SELENOF: variants seen among roughly 807,000 people sequenced by gnomAD.
The protein encoded by SELENOF is selenoprotein F.
In SELENOF, 16 loss-of-function variants were observed where a neutral mutation model predicts 20.5. The observed-to-expected ratio is 0.78, with a 90% CI of 0.53 to 1.19. The LOEUF (loss-of-function observed/expected upper bound fraction) is 1.19. Among genes scored for constraint, SELENOF ranks in the 50% most tolerant of loss-of-function variants. The pLI is 0.00. For missense variants in SELENOF, 215 were observed against 194.2 expected (o/e 1.11, Z -0.64); for synonymous variants, 78 against 74.5 (o/e 1.05, Z -0.24).
At chr1:86,889,509 A>G (rs1192657478) in intron 2 of SELENOF, among the ~76,000 whole-genome samples, 5 of 152,092 alleles carry the variant, frequency 3.3e-5, no homozygotes, top group Non-Finnish European at 2.9e-5. Context: ...CAGGAGAATC[A>G]CTTGAACCTA....
intron 3 of SELENOF, among the ~76,000 whole-genome samples, chr1:86,878,080 A>G (rs1658970858): frequency 6.6e-6 from 1 of 152,204 alleles, no homozygotes. Flanking sequence ...AGAAATTATT[A>G]TAGACAGCCT....
At chr1:86,888,845 C>T (rs939582884) in intron 2 of SELENOF, among the ~76,000 whole-genome samples, 2 of 151,900 alleles carry the variant, frequency 1.3e-5, no homozygotes, top group Non-Finnish European at 2.9e-5. Context: ...TGTATTTTTG[C>T]CATGTTGGCC....
intron 2 of SELENOF, among the ~76,000 whole-genome samples, chr1:86,899,807 CG>C (rs1348038896): frequency 6.8e-6 from 1 of 146,648 alleles, no homozygotes; most frequent in Non-Finnish European, 1.5e-5. Context: ...GGCTGCCGGG[CG>C]GAGGGGCTCC....
At chr1:86,868,852 C>A (rs983584368) in intron 3 of SELENOF, among the ~76,000 whole-genome samples, 3 of 151,960 alleles carry the variant, frequency 2.0e-5, no homozygotes, top group Admixed American at 2.0e-4. Context: ...CAGCAAAACA[C>A]CACCATAAGC....
intron 2 of SELENOF, among the ~76,000 whole-genome samples, chr1:86,889,784 C>T (rs1249674855): frequency 6.6e-6 from 1 of 152,102 alleles, no homozygotes; most frequent in Non-Finnish European, 1.5e-5. Context: ...GGAAGCATCC[C>T]CACTTACCCC....
chr1:86,907,792 T>C (rs1659867714), intron 1 of SELENOF, among the ~76,000 whole-genome samples: 1 of 152,066 alleles, frequency 6.6e-6, no homozygotes, highest in African/African-American at 2.4e-5. Flanking sequence ...GAGACCAGCC[T>C]GGCCAACATG....
intron 3 of SELENOF, among the ~76,000 whole-genome samples, 184 bp from the exon 4 acceptor site, chr1:86,868,286 C>T (rs1658665940): frequency 6.6e-6 from 1 of 152,102 alleles, no homozygotes. Flanking sequence ...TTTTAAGACA[C>T]TAATTGTTTC....
intron 4 of SELENOF, 32 bp downstream of exon 4, chr1:86,868,021 G>A: frequency 9.1e-7 from 1 of 1,104,238 alleles, no homozygotes; most frequent in Non-Finnish European, 1.3e-6. Flanking sequence ...ATTAAGGCTG[G>A]AAAAAAGAGA....
chr1:86,880,635 C>A lies in SELENOF; in HGVS notation c.316+27G>T, dbSNP rs373462249. 6.7e-6 allele frequency: 9 copies of A among 1,340,164 alleles called. 1 individual carries two copies. The South Asian group carries it at 1.2e-4, about 19-fold the overall frequency. 83.0% of individuals were successfully genotyped at this position (1,340,164 alleles called of 1,614,324 possible). ...AAAATGTTGATTTTAAATGACTGAACAGTTTACTGGAGTAAATTTTATATA... is the reference window on the plus strand; with the variant it reads ...AAAATGTTGATTTTAAATGACTGAAAAGTTTACTGGAGTAAATTTTATATA... On this transcript the variant is annotated intron_variant, in intron 3 of 4. Coordinates refer to ENST00000331835, the MANE Select transcript of SELENOF (RefSeq NM_004261.5).
intron 3 of SELENOF, among the ~76,000 whole-genome samples, chr1:86,879,196 T>C (rs562264019): frequency 6.6e-6 from 1 of 152,152 alleles, no homozygotes; most frequent in Non-Finnish European, 1.5e-5. Flanking sequence ...AAAAATCAAT[T>C]GCTAAAACTT....
intron 2 of SELENOF, among the ~76,000 whole-genome samples, chr1:86,894,912 C>T (rs1435723111): frequency 2.0e-5 from 3 of 152,148 alleles, no homozygotes; most frequent in African/African-American, 7.2e-5. Context: ...TAACATTGGT[C>T]TTGAGACATT....
intron 1 of SELENOF, among the ~76,000 whole-genome samples, chr1:86,911,429 C>T (rs1343547253): frequency 6.6e-6 from 1 of 152,152 alleles, no homozygotes; most frequent in East Asian, 1.9e-4. Context: ...TTTCTGCTCT[C>T]CTAATAGAAG....
At chr1:86,868,395 G>A (rs1658667887) in intron 3 of SELENOF, among the ~76,000 whole-genome samples, 2 of 152,112 alleles carry the variant, frequency 1.3e-5, no homozygotes, top group Admixed American at 1.3e-4. Flanking sequence ...AGAATAGTCA[G>A]GGCAGTTTTT....
At chr1:86,867,490 TCAA>T (rs71082044) in intron 4 of SELENOF, among the ~76,000 whole-genome samples, 4,618 of 147,752 alleles carry the variant, frequency 0.031, 144 homozygotes, top group African/African-American at 0.083. Context: ...AGACTCCGTC[TCAA>T]CAACAACAAC....
At chr1:86,881,428 T>C (rs1198932175) in intron 2 of SELENOF, among the ~76,000 whole-genome samples, 1 of 152,234 alleles carries the variant, frequency 6.6e-6, no homozygotes, top group Non-Finnish European at 1.5e-5. Flanking sequence ...ACACCACTTT[T>C]TTTGTAGTTG....
At chr1:86,869,838 A>G (rs1219781445) in intron 3 of SELENOF, among the ~76,000 whole-genome samples, 1 of 151,626 alleles carries the variant, frequency 6.6e-6, no homozygotes, top group Non-Finnish European at 1.5e-5. Context: ...GCAGTGGCGC[A>G]ATCTCGGCTC....
At position 86,897,132 on chromosome 1, in the gene SELENOF, C is replaced by T. The variant is rs551376494; in HGVS notation, c.252+6149G>A. On this transcript the variant is annotated intron_variant, in intron 2 of 4. Transcript: ENST00000331835. ...ACCAGCCTGGCCAACATGATGGAAC[C>T]CTGTCTCTACTAAAAATACAAAAAA... Among the ~76,000 whole-genome samples the T allele has an allele frequency of 4.3e-4, 66 of 152,168 alleles. 1 individual carries two copies. Among genetic ancestry groups the T allele is most frequent in the Middle Eastern group, 3.4e-3 (1 of 294 alleles).
At chr1:86,871,949 C>T (rs1658780705) in intron 3 of SELENOF, among the ~76,000 whole-genome samples, 1 of 149,168 alleles carries the variant, frequency 6.7e-6, no homozygotes, top group African/African-American at 2.5e-5. Context: ...CTTAAAGAGA[C>T]TTTTTTTTTT....
chr1:86,903,300 G>A lies in SELENOF; in HGVS notation c.233C>T (p.Ala78Val), dbSNP rs1345652746. 6.2e-7 allele frequency: 1 copy of A among 1,611,102 alleles called. No individual in the cohort carries two copies. Among genetic ancestry groups the A allele is most frequent in the Non-Finnish European group, 8.5e-7 (1 of 1,178,698 alleles). ...PDCRGCCQEE[A>V]QFETKKLYAG... ...CAGTACCTTTTTGGTTTCAAATTGTGCTTCCTCCTGACAGCATCCTCTGCA... is the reference window on the plus strand; with the variant it reads ...CAGTACCTTTTTGGTTTCAAATTGTACTTCCTCCTGACAGCATCCTCTGCA... Residue 78 changes from alanine (A) to valine (V), a missense_variant, in exon 2 of 5, where the codon GCA (alanine) becomes GTA (valine). Physicochemically the swap from Ala to Val is moderately conservative, Grantham distance 64 (BLOSUM62 0). Transcript: ENST00000331835.
Sources: gnomAD v4.1 joint callset for allele counts (sites outside exome capture counted in the v4.1 genomes callset) on GRCh38, gnomAD v4.1.1 for gene constraint, MANE v1.5 for transcripts, NCBI Gene and HGNC (gene_info 2026-07-23, HGNC 2026-07-21) for gene names.